Variants in NPAS2 observed in about 807,000 individuals in gnomAD.
The protein encoded by NPAS2 is neuronal PAS domain-containing protein 2.
NPAS2 carries 23 observed loss-of-function variants against 107.5 expected under a neutral mutation model. The observed-to-expected ratio is 0.21, with a 90% CI of 0.15 to 0.30. The LOEUF (loss-of-function observed/expected upper bound fraction) is 0.30. NPAS2 is among the 10% of genes least tolerant of loss of function. NPAS2 has a pLI of 1.00. For missense variants in NPAS2, 756 were observed against 1,043.3 expected (o/e 0.72, Z 3.79); for synonymous variants, 403 against 417.5 (o/e 0.97, Z 0.42).
chr2:100,969,968 C>T (rs1162517188), intron 11 of NPAS2, among the ~76,000 whole-genome samples: 1 of 152,202 alleles, frequency 6.6e-6, no homozygotes, highest in Non-Finnish European at 1.5e-5. Context: ...ACTACACACA[C>T]TCACACCATA....
chr2:100,857,655 C>A (rs1678666157), intron 1 of NPAS2, among the ~76,000 whole-genome samples: 1 of 152,228 alleles, frequency 6.6e-6, no homozygotes, highest in African/African-American at 2.4e-5. Context: ...CTGGCCAAGT[C>A]TCCGCAAATG....
At chr2:100,859,890 C>T (rs59005495) in intron 1 of NPAS2, among the ~76,000 whole-genome samples, 10,276 of 152,202 alleles carry the variant, frequency 0.068, 728 homozygotes, top group East Asian at 0.34. Flanking sequence ...TCACAGTTGC[C>T]TATCATGTTC....
In NPAS2 at chr2:100,989,861, G is replaced by C. The variant is rs370782995; in HGVS notation, c.1828-395G>C. 123 of 186,018 alleles carry C rather than the reference G, an allele frequency of 6.6e-4. 1 individual carries two copies. The highest frequency in any genetic ancestry group is 2.7e-3 in the African/African-American group (117 of 42,868). The allele number at this position is 186,018 out of a possible 1,614,324, so 11.5% of individuals were successfully genotyped here. A position where few individuals can be genotyped will look rare whatever the true frequency, so the allele number is the denominator to read the frequency against. On this transcript the variant is annotated intron_variant, in intron 17 of 20. Transcript: ENST00000335681. Reference sequence around the variant, plus strand: ...GATAATATTTGAGTCAAGACCTGAGGGGGTGAAAGAATGAGCCATGTCAAT... The same window carrying C: ...GATAATATTTGAGTCAAGACCTGAGCGGGTGAAAGAATGAGCCATGTCAAT...
intron 4 of NPAS2, among the ~76,000 whole-genome samples, chr2:100,937,126 A>AT (rs979534360): frequency 6.6e-6 from 1 of 152,126 alleles, no homozygotes. Context: ...AAATGCATGG[A>AT]TTTTTCAGAC....
chr2:100,995,864 T>A lies in NPAS2; in HGVS notation c.*282T>A. The stretch of plus-strand genomic sequence containing the variant: ...GCCCCGTGTAGGCATCGTCGGTCGG[T>A]TTGCCGTCAGAGATGGCGCATCTCG... On this transcript the variant is annotated 3_prime_UTR_variant, in exon 21 of 21. Coordinates refer to ENST00000335681, the MANE Select transcript of NPAS2 (RefSeq NM_002518.4). The A allele has an allele frequency of 6.7e-7, 1 of 1,485,888 alleles. No homozygotes were observed. Among genetic ancestry groups the A allele is most frequent in the Non-Finnish European group, 9.0e-7 (1 of 1,106,900 alleles). The allele number at this position is 1,485,888 out of a possible 1,614,324, so 92.0% of individuals were successfully genotyped here.
intron 5 of NPAS2, among the ~76,000 whole-genome samples, chr2:100,945,631 T>G (rs1305405348): frequency 1.3e-5 from 2 of 152,216 alleles, no homozygotes. Context: ...CCTGCTTCCC[T>G]GTGCAACCTC....
chr2:100,845,557 C>G (rs1677724431), intron 1 of NPAS2, among the ~76,000 whole-genome samples: 1 of 152,202 alleles, frequency 6.6e-6, no homozygotes, highest in African/African-American at 2.4e-5. Flanking sequence ...CTCAGGCACC[C>G]AGGCTGCTCT....
At chr2:100,880,455 G>A (rs763089317) in intron 1 of NPAS2, among the ~76,000 whole-genome samples, 10 of 152,342 alleles carry the variant, frequency 6.6e-5, no homozygotes, top group Admixed American at 5.9e-4. Flanking sequence ...CAGTCTTAAA[G>A]AGGAAGCAAA....
rs1676861537 is a variant in NPAS2, at chr2:100,974,846, T to C, written c.1184T>C (p.Leu395Pro). ...SLEPRQHFNTLDVGASGLNTS... is the reference protein window; with the variant it reads ...SLEPRQHFNTPDVGASGLNTS... ...GAACCTCGGCAGCACTTTAACACAC[T>C]CGACGTGGGTGCCTCGGGCCTTAAT... is the stretch of plus-strand genomic sequence containing the variant. Residue 395 changes from leucine to proline, a missense_variant, in exon 13 of 21, where the codon CTC (leucine) becomes CCC (proline). Physicochemically the swap from Leu to Pro is moderately conservative, Grantham distance 98. Coordinates refer to ENST00000335681, the MANE Select transcript of NPAS2 (RefSeq NM_002518.4). 6.2e-7 allele frequency: 1 copy of C among 1,614,006 alleles called. No homozygotes were observed. Among genetic ancestry groups the C allele is most frequent in the Admixed American group, 1.7e-5 (1 of 60,002 alleles).
chr2:100,930,451 A>T (rs1683861811), intron 3 of NPAS2, among the ~76,000 whole-genome samples: 1 of 152,186 alleles, frequency 6.6e-6, no homozygotes, highest in African/African-American at 2.4e-5. Context: ...GGTACAAGTG[A>T]TATCAGAGTA....
chr2:100,830,949 G>A (rs1015072335), intron 1 of NPAS2, among the ~76,000 whole-genome samples: 3 of 152,108 alleles, frequency 2.0e-5, no homozygotes, highest in Admixed American at 1.3e-4. Flanking sequence ...TTTTTGAGGA[G>A]GTGGGTTGGA....
At position 100,976,808 on chromosome 2, in the gene NPAS2, G is replaced by A. The variant is rs1677043819; in HGVS notation, c.1393-902G>A. The A allele has an allele frequency of 6.6e-6, 1 of 152,168 alleles. No homozygotes were observed. Among genetic ancestry groups the A allele is most frequent in the African/African-American group, 2.4e-5 (1 of 41,426 alleles). 9.4% of individuals were successfully genotyped at this position (152,168 alleles called of 1,614,324 possible). On this transcript the variant is annotated intron_variant, in intron 14 of 20. Transcript: ENST00000335681. The surrounding 1 kb of genome is among the most constrained non-coding windows in gnomAD (Gnocchi z 4.1). ...AGTGTGACTCACTTTGCCAACAACG[G>A]AGGCCCAGAGTGCTTCTGTCTCCTC...
At chr2:100,839,670 A>G (rs781129276) in intron 1 of NPAS2, among the ~76,000 whole-genome samples, 5 of 152,124 alleles carry the variant, frequency 3.3e-5, no homozygotes, top group South Asian at 4.2e-4. Context: ...CATATTTTCA[A>G]CTTCATGAGA....
intron 7 of NPAS2, among the ~76,000 whole-genome samples, chr2:100,950,159 G>A (rs1675137538): frequency 6.6e-6 from 1 of 152,180 alleles, no homozygotes; most frequent in Non-Finnish European, 1.5e-5. Context: ...CAGAAACCAA[G>A]TCCTAAGCCA....
Position 100,820,979 on chromosome 2 carries a change from C to T in NPAS2, c.-23+565C>T, listed in dbSNP as rs1026095706. ...GCAGACAGCGTGCAGCCTGGCTCCT[C>T]ACGTCGCTGCCGCCCCCCCACCCCA... On this transcript the variant is annotated intron_variant, in intron 1 of 20. Coordinates refer to ENST00000335681, the MANE Select transcript of NPAS2 (RefSeq NM_002518.4). This position sits in a 1 kb window ranked among gnomAD's most constrained non-coding sequence, Gnocchi z 5.6. 13 of 1,242,348 alleles carry T rather than the reference C, an allele frequency of 1.0e-5. No individual in the cohort carries two copies. The highest frequency in any genetic ancestry group is 1.4e-5 in the Non-Finnish European group (13 of 945,582). The allele number at this position is 1,242,348 out of a possible 1,614,324, so 77.0% of individuals were successfully genotyped here.
chr2:100,934,770 G>T (rs1558886406), intron 4 of NPAS2: 1 of 985,240 alleles, frequency 1.0e-6, no homozygotes, highest in Non-Finnish European at 1.2e-6. Flanking sequence ...GGGAGATGGG[G>T]AGCTCCCACG....
chr2:100,901,068 T>C (rs1391468494), intron 1 of NPAS2, among the ~76,000 whole-genome samples: 1 of 152,150 alleles, frequency 6.6e-6, no homozygotes, highest in African/African-American at 2.4e-5. Flanking sequence ...ATTTATTAAT[T>C]GGAATCTTCT....
intron 2 of NPAS2, among the ~76,000 whole-genome samples, chr2:100,910,967 G>A (rs1682511927): frequency 6.6e-6 from 1 of 152,116 alleles, no homozygotes; most frequent in Non-Finnish European, 1.5e-5. Flanking sequence ...TCTAAGCCTG[G>A]GCACAGGAGG....
intron 2 of NPAS2, among the ~76,000 whole-genome samples, chr2:100,914,919 TC>T (rs1177334867): frequency 6.6e-6 from 1 of 152,036 alleles, no homozygotes. Flanking sequence ...AGCAGCGAGT[TC>T]ACCATTTTTT....
Sources: gnomAD v4.1 joint callset for allele counts (sites outside exome capture counted in the v4.1 genomes callset) on GRCh38, gnomAD v4.1.1 for gene constraint, Gnocchi (gnomAD v3.1) non-coding constraint, MANE v1.5 for transcripts, NCBI Gene and HGNC (gene_info 2026-07-23, HGNC 2026-07-21) for gene names.